NBEA: variants seen among roughly 807,000 people sequenced by gnomAD.
NBEA encodes lysosomal-trafficking regulator 2.
NBEA carries 44 observed loss-of-function variants against 343.4 expected under a neutral mutation model. The ratio of observed to expected loss-of-function variants is 0.13; its 90% CI spans 0.10 to 0.16. The LOEUF (loss-of-function observed/expected upper bound fraction) is 0.16. NBEA is among the 10% of genes least tolerant of loss of function. NBEA has a pLI of 1.00. For synonymous variants in NBEA, 1,175 were observed against 1,238.7 expected (o/e 0.95, Z 1.08); for missense variants, 2,555 against 3,631.3 (o/e 0.70, Z 7.62).
intron 34 of NBEA, among the ~76,000 whole-genome samples, chr13:35,244,149 T>C (rs2030804871): frequency 1.3e-5 from 2 of 151,940 alleles, no homozygotes; most frequent in East Asian, 3.9e-4. Flanking sequence ...AGAAACTCCA[T>C]AAACACTTAA....
chr13:35,022,111 G>A (rs573895516), intron 1 of NBEA, among the ~76,000 whole-genome samples: 2 of 152,206 alleles, frequency 1.3e-5, no homozygotes, highest in Admixed American at 6.5e-5. Flanking sequence ...ATTTAAAAGT[G>A]TATAGTCGTT....
intron 34 of NBEA, among the ~76,000 whole-genome samples, chr13:35,264,757 G>C (rs1405525513): frequency 6.6e-6 from 1 of 151,722 alleles, no homozygotes; most frequent in Non-Finnish European, 1.5e-5. Context: ...CACAATAATG[G>C]GCATTCTGAC....
intron 34 of NBEA, among the ~76,000 whole-genome samples, chr13:35,235,185 T>C (rs988335530): frequency 1.3e-5 from 2 of 152,170 alleles, no homozygotes; most frequent in Non-Finnish European, 2.9e-5. Flanking sequence ...AGTTCCTTTT[T>C]TTGCTTTTAA....
chr13:35,128,292 A>C (rs956429753), intron 17 of NBEA, among the ~76,000 whole-genome samples: 2 of 152,136 alleles, frequency 1.3e-5, no homozygotes, highest in Non-Finnish European at 2.9e-5. Flanking sequence ...ACAAATTAGA[A>C]TACAAGCCAA....
chr13:35,098,536 C>T (rs2152638693), intron 11 of NBEA, 131 bp downstream of exon 11: 1 of 559,088 alleles, frequency 1.8e-6, no homozygotes, highest in Admixed American at 3.3e-5. Context: ...AATTCACAAA[C>T]GTCTTAGATT....
At chr13:35,432,174 T>G in intron 38 of NBEA, 95 bp from the exon 39 acceptor site, 26 of 1,061,334 alleles carry the variant, frequency 2.4e-5, no homozygotes, top group Non-Finnish European at 3.0e-5. Flanking sequence ...AATTTTTCAA[T>G]GAGACCAACA....
At chr13:35,210,970 T>A (rs2073734389) in intron 32 of NBEA, 83 bp from the exon 33 acceptor site, 5 of 1,409,464 alleles carry the variant, frequency 3.5e-6, no homozygotes, top group Non-Finnish European at 3.8e-6. Flanking sequence ...AGTAATTCTT[T>A]CAAAATCAGA....
At position 35,628,178 on chromosome 13, in the gene NBEA, A is replaced by G; in HGVS notation, c.7547A>G (p.Asn2516Ser). ...GGACCAGAAGCAGTTCGTGCTCTGA[A>G]TGTTTTTCACTACTTGACTTATGAA... ...QRGPEAVRAL[N>S]VFHYLTYEGS... is the part of the protein sequence containing the mutation. The change falls in exon 49 of 59, where the codon AAT becomes AGT. Residue 2516 changes from asparagine to serine, a missense_variant. Asn to Ser is a conservative substitution (Grantham distance 46). Around this residue, in one of 21 missense-constraint regions of NBEA, gnomAD observed 87 missense variants for 75.0 expected, o/e 1.16. Coordinates refer to ENST00000379939, the MANE Select transcript of NBEA (RefSeq NM_001385012.1). 2 of 1,613,342 alleles carry G rather than the reference A, an allele frequency of 1.2e-6. No homozygotes were observed. Among genetic ancestry groups the G allele is most frequent in the Non-Finnish European group, 1.7e-6 (2 of 1,179,568 alleles).
intron 40 of NBEA, among the ~76,000 whole-genome samples, chr13:35,463,210 A>G (rs766412588): frequency 1.3e-5 from 2 of 152,248 alleles, no homozygotes; most frequent in Non-Finnish European, 2.9e-5. Flanking sequence ...CTTACGAGTC[A>G]GGAACTCTGG....
At chr13:35,426,735 G>A (rs1211323856) in intron 38 of NBEA, among the ~76,000 whole-genome samples, 1 of 152,158 alleles carries the variant, frequency 6.6e-6, no homozygotes, top group Non-Finnish European at 1.5e-5. Context: ...ATATCCTGCA[G>A]AGTGTTTTCC....
At chr13:35,402,221 A>G (rs917226164) in intron 38 of NBEA, among the ~76,000 whole-genome samples, 1 of 152,050 alleles carries the variant, frequency 6.6e-6, no homozygotes, top group Non-Finnish European at 1.5e-5. Flanking sequence ...TTATATAAAT[A>G]CATCTGTTAT....
At chr13:35,668,281 C>A in intron 57 of NBEA, 87 bp from the exon 58 acceptor site, 1 of 1,352,076 alleles carries the variant, frequency 7.4e-7, no homozygotes. Context: ...TGACAGTTGG[C>A]TATTTAGGAA....
Position 35,159,504 on chromosome 13 carries a change from A to T in NBEA, c.3333A>T (p.Val1111=). 6.2e-7 allele frequency: 1 copy of T among 1,613,354 alleles called. No homozygotes were observed. Among genetic ancestry groups the T allele is most frequent in the Non-Finnish European group, 8.5e-7 (1 of 1,179,684 alleles). ...CTGTTGAGAAACTCCAGAACAATGT[A>T]CATGGAAGTGTTGGTATCATTAAAA... The part of the protein sequence containing the change: ...SAAVEKLQNN[V]HGSVGIIKKN... Residue 1111 remains valine, a synonymous_variant, in exon 22 of 59, where the codon GTA becomes GTT. Coordinates refer to ENST00000379939, the MANE Select transcript of NBEA (RefSeq NM_001385012.1).
At chr13:35,504,891 C>T (rs1480174481) in intron 41 of NBEA, among the ~76,000 whole-genome samples, 3 of 152,094 alleles carry the variant, frequency 2.0e-5, no homozygotes, top group Non-Finnish European at 2.9e-5. Flanking sequence ...GGATTACAGG[C>T]GTGAGCCACT....
At chr13:35,366,563 T>C (rs1466932040) in intron 38 of NBEA, among the ~76,000 whole-genome samples, 2 of 151,292 alleles carry the variant, frequency 1.3e-5, no homozygotes, top group Non-Finnish European at 3.0e-5. Flanking sequence ...TTTTACATTG[T>C]GTTTTTATTG....
chr13:35,186,462 T>C (rs1354112207), intron 30 of NBEA: 2 of 152,198 alleles, frequency 1.3e-5, no homozygotes, highest in Non-Finnish European at 2.9e-5. Flanking sequence ...GGATCTGGAA[T>C]CCATTTCTGT....
intron 41 of NBEA, among the ~76,000 whole-genome samples, chr13:35,515,002 C>T (rs192817525): frequency 1.3e-5 from 2 of 152,266 alleles, no homozygotes; most frequent in East Asian, 1.9e-4. Flanking sequence ...AGATTCCAAA[C>T]GCATCCTGAA....
chr13:35,632,318 A>G (rs2083486381), intron 49 of NBEA, among the ~76,000 whole-genome samples: 1 of 152,140 alleles, frequency 6.6e-6, no homozygotes, highest in African/African-American at 2.4e-5. Context: ...TGATGCTCAA[A>G]TGTGGCCCAT....
intron 17 of NBEA, among the ~76,000 whole-genome samples, chr13:35,139,744 GTTTTTTTT>G (rs36117821): frequency 1.6e-5 from 1 of 61,130 alleles, no homozygotes; most frequent in Admixed American, 2.0e-4. Context: ...GATGGATGGC[GTTTTTTTT>G]TTTTTTTTTT....
Sources: gnomAD v4.1 joint callset for allele counts (sites outside exome capture counted in the v4.1 genomes callset) on GRCh38, gnomAD v4.1.1 for gene constraint, gnomAD v4.1.1 regional missense constraint, MANE v1.5 for transcripts, NCBI Gene and HGNC (gene_info 2026-07-23, HGNC 2026-07-21) for gene names.